FGF14: variants seen among roughly 807,000 people sequenced by gnomAD.
FGF14 encodes fibroblast growth factor 14.
Under a neutral mutation model 25.5 loss-of-function variants are expected in FGF14, and 5 were observed. The ratio of observed to expected loss-of-function variants is 0.20; its 90% CI spans 0.10 to 0.41. The LOEUF is 0.41. Ranked by LOEUF, FGF14 falls within the 10% of genes least tolerant of loss-of-function variation. The pLI is 1.00. For missense variants in FGF14, 222 were observed against 320.1 expected (o/e 0.69, Z 2.34); for synonymous variants, 138 against 118.3 (o/e 1.17, Z -1.08).
intron 1 of FGF14, among the ~76,000 whole-genome samples, chr13:102,172,147 T>G (rs906938065): frequency 6.6e-6 from 1 of 152,012 alleles, no homozygotes; most frequent in African/African-American, 2.4e-5. Context: ...CCTTTTAAAC[T>G]TAAACCTGTA....
chr13:102,136,940 C>G (rs1402246126), intron 1 of FGF14, among the ~76,000 whole-genome samples: 16 of 152,120 alleles, frequency 1.1e-4, no homozygotes, highest in Admixed American at 1.0e-3. Context: ...GGGGAGAAAA[C>G]CTGGGACATT....
At chr13:102,011,174 TAAC>T (rs1187990348) in intron 1 of FGF14, among the ~76,000 whole-genome samples, 2 of 152,198 alleles carry the variant, frequency 1.3e-5, no homozygotes, top group African/African-American at 4.8e-5. Flanking sequence ...ATTGTTGTAA[TAAC>T]ATTTTATTAA....
At chr13:101,743,426 A>T (rs938105765) in intron 3 of FGF14, among the ~76,000 whole-genome samples, 2 of 152,172 alleles carry the variant, frequency 1.3e-5, no homozygotes, top group Non-Finnish European at 2.9e-5. Flanking sequence ...CTTTTTAATT[A>T]ATTAATTTAT....
chr13:101,839,673 T>C (rs1011451506), intron 3 of FGF14, among the ~76,000 whole-genome samples: 3 of 152,022 alleles, frequency 2.0e-5, no homozygotes, highest in Non-Finnish European at 4.4e-5. Flanking sequence ...TTATTGATTA[T>C]GTCTATGGTG....
chr13:102,007,607 T>A (rs1246258412), intron 1 of FGF14, among the ~76,000 whole-genome samples: 1 of 152,220 alleles, frequency 6.6e-6, no homozygotes, highest in African/African-American at 2.4e-5. Flanking sequence ...TCAGGGACTC[T>A]GTGACTCCAT....
At chr13:102,049,141 C>A (rs1231888106) in intron 1 of FGF14, among the ~76,000 whole-genome samples, 2 of 152,026 alleles carry the variant, frequency 1.3e-5, no homozygotes, top group Non-Finnish European at 1.5e-5. Flanking sequence ...AAAATACAAT[C>A]AATATAAATA....
chr13:102,329,508 G>C (rs944092916), intron 1 of FGF14, among the ~76,000 whole-genome samples: 2 of 152,066 alleles, frequency 1.3e-5, no homozygotes, highest in Non-Finnish European at 2.9e-5. Context: ...GCAACCACCT[G>C]CTGACCACTC....
intron 1 of FGF14, among the ~76,000 whole-genome samples, chr13:102,151,041 T>C (rs920933612): frequency 6.6e-6 from 1 of 152,186 alleles, no homozygotes; most frequent in African/African-American, 2.4e-5. Flanking sequence ...AAAGCACTTT[T>C]GCATTTTAAC....
At chr13:102,156,259 C>T (rs988275102) in intron 1 of FGF14, among the ~76,000 whole-genome samples, 1 of 152,150 alleles carries the variant, frequency 6.6e-6, no homozygotes, top group African/African-American at 2.4e-5. Flanking sequence ...CAAAAATCCT[C>T]AATAAAATAC....
chr13:102,301,862 ACAC>A, intron 1 of FGF14, among the ~76,000 whole-genome samples: 1 of 142,714 alleles, frequency 7.0e-6, no homozygotes, highest in Non-Finnish European at 1.5e-5. Context: ...ACACACACAC[ACAC>A]ACTTTACTCT....
intron 1 of FGF14, among the ~76,000 whole-genome samples, chr13:101,951,951 T>C (rs79403646): frequency 1.9e-3 from 286 of 152,324 alleles, no homozygotes; most frequent in African/African-American, 6.7e-3. Context: ...ATATCAACTC[T>C]AGTGTTTACA....
chr13:102,295,275 C>A (rs554254795), intron 1 of FGF14, among the ~76,000 whole-genome samples: 1 of 152,266 alleles, frequency 6.6e-6, no homozygotes, highest in South Asian at 2.1e-4. Flanking sequence ...ACCGTATCTA[C>A]AAATTCACTT....
chr13:101,948,102 C>A (rs2035926605), intron 1 of FGF14, among the ~76,000 whole-genome samples: 1 of 152,088 alleles, frequency 6.6e-6, no homozygotes, highest in Non-Finnish European at 1.5e-5. Context: ...GCGTTGTAGT[C>A]AAAAGATGTT....
At chr13:102,290,223 G>C (rs2054310617) in intron 1 of FGF14, among the ~76,000 whole-genome samples, 1 of 152,020 alleles carries the variant, frequency 6.6e-6, no homozygotes, top group Non-Finnish European at 1.5e-5. Flanking sequence ...TCACAAATGG[G>C]ATTAGTGCCT....
chr13:101,962,203 G>A (rs35233628), intron 1 of FGF14, among the ~76,000 whole-genome samples: 15,932 of 152,172 alleles, frequency 0.1, 961 homozygotes, highest in Admixed American at 0.2. Context: ...AGCATGAAAT[G>A]TTTTTACATT....
chr13:102,109,494 A>G (rs2045107406), intron 1 of FGF14, among the ~76,000 whole-genome samples: 1 of 152,236 alleles, frequency 6.6e-6, no homozygotes. Flanking sequence ...ATGTGTATAT[A>G]TATCAAAACA....
chr13:101,867,578 CT>C (rs747640273), intron 3 of FGF14, among the ~76,000 whole-genome samples: 2 of 152,156 alleles, frequency 1.3e-5, no homozygotes, highest in Non-Finnish European at 2.9e-5. Flanking sequence ...AATAAAGCAT[CT>C]CTAGAAAGTA....
At chr13:102,241,752 G>A (rs1594547566) in intron 1 of FGF14, among the ~76,000 whole-genome samples, 1 of 152,074 alleles carries the variant, frequency 6.6e-6, no homozygotes, top group African/African-American at 2.4e-5. Context: ...TTTGTTTAGA[G>A]TACAATGAAG....
At chr13:102,394,030 G>C (rs2058500495) in intron 1 of FGF14, among the ~76,000 whole-genome samples, 1 of 152,226 alleles carries the variant, frequency 6.6e-6, no homozygotes, top group Non-Finnish European at 1.5e-5. Context: ...GGGCTGATCT[G>C]GGATTACTCT....
Sources: gnomAD v4.1 joint callset for allele counts (sites outside exome capture counted in the v4.1 genomes callset) on GRCh38, gnomAD v4.1.1 for gene constraint, MANE v1.5 for transcripts, NCBI Gene and HGNC (gene_info 2026-07-23, HGNC 2026-07-21) for gene names.